Variants in TMEM94 observed in about 807,000 individuals in gnomAD.
The protein encoded by TMEM94 is transmembrane protein 94.
TMEM94 carries 81 observed loss-of-function variants against 158.6 expected under a neutral mutation model. The ratio of observed to expected loss-of-function variants is 0.51; its 90% confidence interval spans 0.43 to 0.61. The LOEUF is 0.61. Among genes scored for constraint, TMEM94 ranks in the 20% least tolerant of loss-of-function variants. TMEM94 has a pLI of 0.00. For synonymous variants in TMEM94, 751 were observed against 730.7 expected (o/e 1.03, Z -0.45); for missense variants, 1,435 against 1,762.0 (o/e 0.81, Z 3.32).
At chr17:75,467,577 C>A (rs899066616) in intron 1 of TMEM94, among the ~76,000 whole-genome samples, 2 of 139,084 alleles carry the variant, frequency 1.4e-5, no homozygotes, top group Non-Finnish European at 3.0e-5. Context: ...CCAGGCCGGA[C>A]TGCGGACTGC....
At chr17:75,486,448 T>C (rs2051618990) in intron 5 of TMEM94, 22 bp downstream of exon 5, 3 of 1,614,014 alleles carry the variant, frequency 1.9e-6, no homozygotes, top group East Asian at 4.5e-5. Context: ...GGCAGGCATA[T>C]TGGTGGGAAA....
At chr17:75,459,158 G>C (rs1017988702) in intron 1 of TMEM94, among the ~76,000 whole-genome samples, 3 of 151,716 alleles carry the variant, frequency 2.0e-5, no homozygotes, top group East Asian at 1.9e-4. Flanking sequence ...CTCAAACATT[G>C]CAAGTCTTAG....
rs566780436 is a variant in TMEM94 at position 75,500,097 on chromosome 17, G to A, written c.*763G>A. ...TGTCAATTGCTAAGAAATACCTGTG[G>A]CTGGTCTGTAAGGCCACTCCAGGGT... On this transcript the variant is annotated 3_prime_UTR_variant, in exon 32 of 32. Transcript: ENST00000314256. The A allele has an allele frequency of 3.3e-5, 5 of 152,514 alleles. No homozygotes were observed. The highest frequency in any genetic ancestry group is 3.4e-3 in the Middle Eastern group (1 of 294). The allele number at this position is 152,514 out of a possible 1,614,324, so 9.4% of individuals were successfully genotyped here. A position where few individuals can be genotyped will look rare whatever the true frequency, so the allele number is the denominator to read the frequency against.
intron 1 of TMEM94, among the ~76,000 whole-genome samples, chr17:75,470,471 C>T (rs937094353): frequency 4.6e-5 from 7 of 151,416 alleles, no homozygotes; most frequent in African/African-American, 1.7e-4. Flanking sequence ...TTTGGGAGGC[C>T]AAGACAGGCG....
intron 6 of TMEM94, among the ~76,000 whole-genome samples, chr17:75,488,438 C>CA (rs1348044735): frequency 1.3e-5 from 2 of 152,188 alleles, no homozygotes; most frequent in African/African-American, 4.8e-5. Context: ...CACCACACCT[C>CA]AACTGGCTTA....
At position 75,496,019 on chromosome 17, in the gene TMEM94, C is replaced by T; in HGVS notation, c.2998C>T (p.Leu1000=). ...AGAGTACGGGGAGGTGACCTGCTGC[C>T]TGGGCAGCTCTGCCAACCTGCGGAA... The part of the protein sequence containing the change: ...MQEYGEVTCC[L]GSSANLRNSC... The change falls in exon 23 of 32, where the codon CTG becomes TTG. Residue 1000 remains leucine, a synonymous_variant. Coordinates refer to ENST00000314256, the MANE Select transcript of TMEM94 (RefSeq NM_014738.6). The T allele has an allele frequency of 6.2e-7, 1 of 1,613,510 alleles. No homozygotes were observed.
At position 75,499,274 on chromosome 17, in the gene TMEM94, C is replaced by G; in HGVS notation, c.4011C>G (p.Arg1337=). 6.2e-7 allele frequency: 1 copy of G among 1,613,684 alleles called. No homozygotes were observed. The highest frequency in any genetic ancestry group is 8.5e-7 in the Non-Finnish European group (1 of 1,179,974). ...VKLHEIRVRV[R]YQKRQKLQFE... ...CCTGCCCCACCAGGGTCCGAGTCCG[C>G]TACCAGAAGCGACAGAAGCTGCAGT... is the stretch of plus-strand genomic sequence containing the variant. Residue 1337 remains arginine, a synonymous_variant, in exon 32 of 32, where the codon CGC becomes CGG. Transcript: ENST00000314256.
chr17:75,493,480 C>G lies in TMEM94; in HGVS notation c.2087-11C>G, dbSNP rs764148638. On this transcript the variant is annotated splice_polypyrimidine_tract_variant and intron_variant, in intron 16 of 31. Transcript: ENST00000314256. Reference sequence around the variant, plus strand: ...GTTAGCGACACTCAGGGTTTGAACTCTCTCCCCCAGGCACAGAGCAGATGC... The same window carrying G: ...GTTAGCGACACTCAGGGTTTGAACTGTCTCCCCCAGGCACAGAGCAGATGC... The G allele has an allele frequency of 6.2e-7, 1 of 1,613,318 alleles. No homozygotes were observed. The highest frequency in any genetic ancestry group is 8.5e-7 in the Non-Finnish European group (1 of 1,179,440).
chr17:75,493,639 G>T, intron 17 of TMEM94, 46 bp downstream of exon 17: 10 of 1,612,908 alleles, frequency 6.2e-6, no homozygotes, highest in Non-Finnish European at 6.8e-6. Flanking sequence ...TCGCGCTGCC[G>T]GGGCACCTGC....
chr17:75,471,764 A>G, intron 1 of TMEM94, 36 bp from the exon 2 acceptor site: 1 of 800,374 alleles, frequency 1.2e-6, no homozygotes, highest in Non-Finnish European at 2.1e-6. Flanking sequence ...TGCCTGTTCC[A>G]GCAACCTGAG....
At position 75,489,205 on chromosome 17, in the gene TMEM94, C is replaced by T. The variant is rs1314716065; in HGVS notation, c.765-61C>T. 1.3e-6 allele frequency: 2 copies of T among 1,504,112 alleles called. No homozygotes were observed. Among genetic ancestry groups the T allele is most frequent in the Non-Finnish European group, 1.8e-6 (2 of 1,081,448 alleles). 93.2% of individuals were successfully genotyped at this position (1,504,112 alleles called of 1,614,324 possible). ...ATCTGGCAGAGAGGCCCAGAATCCT[C>T]CCAAGGTGTAGGTTTCTAGCCTCTC... On this transcript the variant is annotated intron_variant, in intron 7 of 31. Coordinates refer to ENST00000314256, the MANE Select transcript of TMEM94 (RefSeq NM_014738.6). The surrounding 1 kb of genome is among the most constrained non-coding windows in gnomAD (Gnocchi z 5.0).
chr17:75,480,898 G>T (rs2051107104), intron 2 of TMEM94, among the ~76,000 whole-genome samples: 1 of 152,168 alleles, frequency 6.6e-6, no homozygotes, highest in African/African-American at 2.4e-5. Flanking sequence ...CCAGGTATGG[G>T]CCATTCTGTC....
At chr17:75,473,595 A>G (rs771637490) in intron 2 of TMEM94, among the ~76,000 whole-genome samples, 1 of 152,220 alleles carries the variant, frequency 6.6e-6, no homozygotes, top group Non-Finnish European at 1.5e-5. Flanking sequence ...AGCCTGAGGA[A>G]GAAGACTTGA....
Position 75,495,684 on chromosome 17 carries a change from G to C in TMEM94, c.2944+41G>C. On this transcript the variant is annotated intron_variant, in intron 22 of 31. Coordinates refer to ENST00000314256, the MANE Select transcript of TMEM94 (RefSeq NM_014738.6). This position sits in a 1 kb window ranked among gnomAD's most constrained non-coding sequence, Gnocchi z 5.6. ...ATGGGTACTTGGGCAACCTGGTCCCGTCGGCTGAGCTCTGCCTGGGCCTGC... is the reference window on the plus strand; with the variant it reads ...ATGGGTACTTGGGCAACCTGGTCCCCTCGGCTGAGCTCTGCCTGGGCCTGC... 2 of 1,588,406 alleles carry C rather than the reference G, an allele frequency of 1.3e-6. No individual in the cohort carries two copies. Among genetic ancestry groups the C allele is most frequent in the Non-Finnish European group, 1.7e-6 (2 of 1,158,832 alleles).
At chr17:75,467,520 C>CTTT (rs947595391) in intron 1 of TMEM94, among the ~76,000 whole-genome samples, 183 of 99,116 alleles carry the variant, frequency 1.8e-3, no homozygotes, top group African/African-American at 2.4e-3. Context: ...ATTTCTTTTT[C>CTTT]TTTTTTTTTT....
intron 1 of TMEM94, among the ~76,000 whole-genome samples, chr17:75,461,751 G>A (rs919594226): frequency 2.6e-5 from 4 of 151,288 alleles, no homozygotes; most frequent in East Asian, 2.0e-4. Flanking sequence ...GTGAAACCCC[G>A]TCTCTACTAA....
chr17:75,490,194 C>T (rs376847504), intron 9 of TMEM94, 40 bp from the exon 10 acceptor site: 42 of 1,610,346 alleles, frequency 2.6e-5, no homozygotes, highest in Admixed American at 5.0e-5. Context: ...TCCCCAGGCC[C>T]GGAGCTCAGG....
In TMEM94 at chr17:75,493,561, A is replaced by G. The variant is rs1479942335; in HGVS notation, c.2157A>G (p.Gly719=). The change falls in exon 17 of 32, where the codon GGA becomes GGG. Residue 719 remains glycine, a synonymous_variant. Coordinates refer to ENST00000314256, the MANE Select transcript of TMEM94 (RefSeq NM_014738.6). ...AGGCCTGCACAGACTTCTGGGACGG[A>G]GCTGACATCTACCCTCTCTCGGGAT... ...VLEACTDFWD[G]ADIYPLSGSD... 3 of 1,614,008 alleles carry G rather than the reference A, an allele frequency of 1.9e-6. No homozygotes were observed. Among genetic ancestry groups the G allele is most frequent in the East Asian group, 2.2e-5 (1 of 44,872 alleles).
chr17:75,486,041 G>C, intron 4 of TMEM94, 43 bp downstream of exon 4: 1 of 1,566,408 alleles, frequency 6.4e-7, no homozygotes, highest in Non-Finnish European at 8.6e-7. Flanking sequence ...CAGCTGTGCT[G>C]TCCATCCTGC....
Sources: gnomAD v4.1 joint callset for allele counts (sites outside exome capture counted in the v4.1 genomes callset) on GRCh38, gnomAD v4.1.1 for gene constraint, Gnocchi (gnomAD v3.1) non-coding constraint, MANE v1.5 for transcripts, NCBI Gene and HGNC (gene_info 2026-07-23, HGNC 2026-07-21) for gene names.